The following POLH variants were observed in gnomAD, a reference collection of about 807,000 sequenced individuals.
POLH encodes DNA polymerase eta transcript.
A neutral mutation model predicts 73.6 loss-of-function variants in POLH; 53 were observed. The observed-to-expected ratio is 0.72, with a 90% CI of 0.58 to 0.91. POLH has a LOEUF of 0.91. POLH is among the 40% of genes least tolerant of loss of function. The pLI is 0.00. For missense variants in POLH, 768 were observed against 865.4 expected (o/e 0.89, Z 1.41); for synonymous variants, 292 against 308.5 (o/e 0.95, Z 0.56).
intron 1 of POLH, among the ~76,000 whole-genome samples, chr6:43,580,831 A>AG (rs1764035637): frequency 1.6e-5 from 2 of 124,228 alleles, no homozygotes; most frequent in Non-Finnish European, 3.4e-5. Flanking sequence ...ACTTCCCAGT[A>AG]GGGGCGGCCG....
chr6:43,579,097 A>T (rs188514195), intron 1 of POLH, among the ~76,000 whole-genome samples: 1 of 152,196 alleles, frequency 6.6e-6, no homozygotes, highest in Non-Finnish European at 1.5e-5. Context: ...TTCCTAGCTC[A>T]TAACTCCCCT....
intron 9 of POLH, 124 bp downstream of exon 9, chr6:43,605,443 CTTT>C (rs540143863): frequency 0.014 from 3,988 of 281,262 alleles, no homozygotes; most frequent in Middle Eastern, 0.018. Context: ...CGTTTTCTTT[CTTT>C]TTTTTTTTTT....
chr6:43,606,722 C>A (rs1218370217), intron 9 of POLH, among the ~76,000 whole-genome samples: 1 of 152,180 alleles, frequency 6.6e-6, no homozygotes, highest in Non-Finnish European at 1.5e-5. Context: ...AGCCACCGCA[C>A]CCGGCAGTTT....
intron 9 of POLH, among the ~76,000 whole-genome samples, chr6:43,605,910 G>C (rs1767233060): frequency 6.6e-6 from 1 of 150,814 alleles, no homozygotes; most frequent in Admixed American, 6.6e-5. Flanking sequence ...TTTCAGTAGA[G>C]ACGGGGTTCT....
chr6:43,601,196 ACATAC>A (rs1766695459), intron 6 of POLH, 105 bp downstream of exon 6: 1 of 797,428 alleles, frequency 1.3e-6, no homozygotes. Flanking sequence ...CAGGGGAAAT[ACATAC>A]CAGGCAGTTA....
chr6:43,594,075 C>T (rs1765776974), intron 4 of POLH, among the ~76,000 whole-genome samples: 1 of 151,974 alleles, frequency 6.6e-6, no homozygotes, highest in Non-Finnish European at 1.5e-5. Context: ...TTCTGCTTAT[C>T]TTCTGTGGTC....
intron 3 of POLH, among the ~76,000 whole-genome samples, chr6:43,583,864 T>C (rs961655936): frequency 6.6e-6 from 1 of 152,212 alleles, no homozygotes; most frequent in African/African-American, 2.4e-5. Flanking sequence ...TGGTGGCTCA[T>C]GCCTGTAATC....
intron 8 of POLH, 105 bp from the exon 9 acceptor site, chr6:43,605,149 G>C (rs1767134526): frequency 2.7e-6 from 2 of 740,524 alleles, no homozygotes; most frequent in South Asian, 1.5e-5. Context: ...GGAGTCTTTG[G>C]TGCACAATTC....
At chr6:43,580,737 C>T (rs1415943969) in intron 1 of POLH, among the ~76,000 whole-genome samples, 1 of 135,460 alleles carries the variant, frequency 7.4e-6, no homozygotes, top group African/African-American at 2.8e-5. Context: ...ACCTCCCTCC[C>T]GGACGGGGCG....
At chr6:43,602,847 T>C (rs1766881290) in intron 6 of POLH, among the ~76,000 whole-genome samples, 2 of 151,888 alleles carry the variant, frequency 1.3e-5, no homozygotes, top group South Asian at 4.2e-4. Context: ...TTTGTATTTT[T>C]AGGAGAGATG....
At chr6:43,612,346 CTTT>C (rs112706817) in intron 10 of POLH, among the ~76,000 whole-genome samples, 3 of 137,388 alleles carry the variant, frequency 2.2e-5, no homozygotes, top group African/African-American at 5.4e-5. Flanking sequence ...TATTGGGATA[CTTT>C]TTTTTTTTTT....
At chr6:43,578,244 G>A (rs1429866569) in intron 1 of POLH, among the ~76,000 whole-genome samples, 2 of 152,044 alleles carry the variant, frequency 1.3e-5, no homozygotes, top group African/African-American at 4.8e-5. Flanking sequence ...AAAATTAGCC[G>A]GGCGTGGTGG....
intron 9 of POLH, 128 bp downstream of exon 9, chr6:43,605,447 T>TC (rs71999260): frequency 2.4e-6 from 1 of 422,420 alleles, no homozygotes; most frequent in South Asian, 3.1e-5. Flanking sequence ...TTCTTTCTTT[T>TC]TTTTTTTTTT....
At chr6:43,607,059 A>AT (rs1767381784) in intron 9 of POLH, among the ~76,000 whole-genome samples, 2 of 152,172 alleles carry the variant, frequency 1.3e-5, no homozygotes. Flanking sequence ...GTTCAGCCGT[A>AT]TTGTAGCATG....
chr6:43,594,728 C>T lies in POLH; in HGVS notation c.491-2968C>T, dbSNP rs80221446. On this transcript the variant is annotated intron_variant, in intron 4 of 10. Transcript: ENST00000372236. ...AAATAATAAACTATCTTTTAATCCTCATAACAGCTATATGAAGTGCAGTTT... is the reference window on the plus strand; with the variant it reads ...AAATAATAAACTATCTTTTAATCCTTATAACAGCTATATGAAGTGCAGTTT... Among the ~76,000 whole-genome samples the T allele has an allele frequency of 4.2e-4, 64 of 152,252 alleles. No homozygotes were observed. The East Asian group carries it at 0.011, about 26-fold the overall frequency.
At position 43,614,285 on chromosome 6, in the gene POLH, C is replaced by G. The variant is rs886061437; in HGVS notation, c.1870C>G (p.Pro624Ala). 1 of 1,598,880 alleles carries G rather than the reference C, an allele frequency of 6.3e-7. No homozygotes were observed. Among genetic ancestry groups the G allele is most frequent in the East Asian group, 2.2e-5 (1 of 44,644 alleles). Reference sequence around the variant, plus strand: ...GGTGACTCAGAAAGCAACCCCAAATCCAAGTCTTCTAGCTGCTGAGGACCA... The same window carrying G: ...GGTGACTCAGAAAGCAACCCCAAATGCAAGTCTTCTAGCTGCTGAGGACCA... ...LEVTQKATPN[P>A]SLLAAEDQVP... The change falls in exon 11 of 11, where the codon CCA (proline) becomes GCA (alanine). Residue 624 changes from proline to alanine, a missense_variant. Pro to Ala is a conservative substitution (Grantham distance 27). Coordinates refer to ENST00000372236, the MANE Select transcript of POLH (RefSeq NM_006502.3).
chr6:43,578,714 G>T (rs1372039172), intron 1 of POLH, among the ~76,000 whole-genome samples: 1 of 152,190 alleles, frequency 6.6e-6, no homozygotes, highest in Admixed American at 6.5e-5. Context: ...GCGATTTTCT[G>T]TAAGTCTAAA....
chr6:43,582,527 TGTGGTGGTG>T lies in POLH; in HGVS notation c.137+84_137+92del, dbSNP rs371325034. On this transcript the variant is annotated intron_variant, in intron 2 of 10. Transcript: ENST00000372236. ...GGCACTGTGGCAGGTCCTTTGTTGTTGTGGTGGTGGTGGTGGTGGTGACAGGGCCTTTCT... is the reference window on the plus strand; with the variant it reads ...GGCACTGTGGCAGGTCCTTTGTTGTTGTGGTGGTGGTGACAGGGCCTTTCT... 4.2e-5 allele frequency: 62 copies of T among 1,467,692 alleles called. 1 individual carries two copies. The South Asian group carries it at 4.7e-4, about 11-fold the overall frequency. 90.9% of individuals were successfully genotyped at this position (1,467,692 alleles called of 1,614,324 possible).
intron 10 of POLH, among the ~76,000 whole-genome samples, chr6:43,613,001 T>C (rs1768061525): frequency 6.6e-6 from 1 of 152,004 alleles, no homozygotes; most frequent in African/African-American, 2.4e-5. Context: ...GGTTTCACCA[T>C]GTTGGTCAGG....
Sources: allele counts gnomAD v4.1 joint callset (sites outside exome capture counted in the v4.1 genomes callset), GRCh38; gene constraint gnomAD v4.1.1; transcripts MANE v1.5; gene names NCBI Gene and HGNC (gene_info 2026-07-23, HGNC 2026-07-21).